Variants in TIPIN observed in about 807,000 individuals in gnomAD.
TIPIN encodes the protein TIMELESS interacting protein, also known as TIMELESS-interacting protein.
In TIPIN, 29 loss-of-function variants were observed where a neutral mutation model predicts 35.6. The observed-to-expected ratio is 0.82, with a 90% CI of 0.61 to 1.11. TIPIN has a LOEUF of 1.11. TIPIN is among the 50% of genes most tolerant of loss of function. The pLI, the probability that TIPIN is intolerant of heterozygous loss-of-function variation, is 0.00. For missense variants in TIPIN, 296 were observed against 345.4 expected (o/e 0.86, Z 1.13); for synonymous variants, 102 against 121.5 (o/e 0.84, Z 1.06).
intron 1 of TIPIN, among the ~76,000 whole-genome samples, chr15:66,376,349 T>C (rs1377279866): frequency 6.6e-6 from 1 of 152,214 alleles, no homozygotes; most frequent in Non-Finnish European, 1.5e-5. Context: ...AGTTTCTTTT[T>C]TTCTGTTTTA....
intron 6 of TIPIN, among the ~76,000 whole-genome samples, chr15:66,346,852 C>G (rs1043581686): frequency 1.3e-5 from 2 of 151,874 alleles, no homozygotes; most frequent in East Asian, 3.9e-4. Flanking sequence ...AGTGCAGTGG[C>G]GTGATCTCGG....
At chr15:66,356,801 G>T, upstream of TIPIN, 1 of 899,348 alleles carries the variant, frequency 1.1e-6, no homozygotes, top group Non-Finnish European at 1.3e-6. Context: ...CTCAGGTTCC[G>T]CCCAGCACGC....
chr15:66,352,838 C>T lies in TIPIN; in HGVS notation c.110G>A (p.Gly37Asp), dbSNP rs767540271. Residue 37 changes from glycine to aspartate, a missense_variant, in exon 2 of 8, where the codon GGT becomes GAT. Transcript: ENST00000261881. ...PPPASPERQDGEGTEPDEESG... is the reference protein window; with the variant it reads ...PPPASPERQDDEGTEPDEESG... ...ACCTTCATCAGGCTCAGTTCCTTCACCATCTTGTCTCTCTGGAGAGGCTGG... is the reference window on the plus strand; with the variant it reads ...ACCTTCATCAGGCTCAGTTCCTTCATCATCTTGTCTCTCTGGAGAGGCTGG... 1.9e-6 allele frequency: 3 copies of T among 1,613,012 alleles called. No individual in the cohort carries two copies.
At chr15:66,355,828 T>G (rs1419828404) in intron 1 of TIPIN, among the ~76,000 whole-genome samples, 1 of 152,160 alleles carries the variant, frequency 6.6e-6, no homozygotes, top group Admixed American at 6.6e-5. Context: ...ATACTAGGGT[T>G]CAGACCTTTG....
chr15:66,379,602 A>G, intron 1 of TIPIN: 1 of 1,610,606 alleles, frequency 6.2e-7, no homozygotes. Flanking sequence ...ATTCTCCGGG[A>G]TAACGACGAT....
upstream of TIPIN, among the ~76,000 whole-genome samples, chr15:66,358,639 C>T (rs867567720): frequency 6.6e-6 from 1 of 152,218 alleles, no homozygotes; most frequent in African/African-American, 2.4e-5. Context: ...TGGTCTCCAA[C>T]GCCTGGTCTC....
intron 1 of TIPIN, among the ~76,000 whole-genome samples, chr15:66,363,419 G>A (rs1313427052): frequency 6.6e-6 from 1 of 151,998 alleles, no homozygotes; most frequent in African/African-American, 2.4e-5. Context: ...CGAGGCGGGC[G>A]GATCACGAGG....
At chr15:66,358,560 C>T (rs2093217333), upstream of TIPIN, among the ~76,000 whole-genome samples, 1 of 151,976 alleles carries the variant, frequency 6.6e-6, no homozygotes, top group Non-Finnish European at 1.5e-5. Context: ...ACTACAGGCT[C>T]GCACCACCAC....
intron 6 of TIPIN, among the ~76,000 whole-genome samples, chr15:66,342,166 G>T (rs1181051335): frequency 7.7e-6 from 1 of 129,254 alleles, no homozygotes; most frequent in Non-Finnish European, 1.5e-5. Flanking sequence ...TCCAGCCTGG[G>T]CTACAGAGCA....
At chr15:66,352,092 T>C (rs750566003) in intron 3 of TIPIN, 37 bp downstream of exon 3, 1 of 1,465,928 alleles carries the variant, frequency 6.8e-7, no homozygotes, top group Non-Finnish European at 9.3e-7. Context: ...ATATTAAAAA[T>C]AAAAAGTATA....
chr15:66,366,947 C>A, intron 1 of TIPIN: 1 of 953,470 alleles, frequency 1.0e-6, no homozygotes, highest in Non-Finnish European at 1.2e-6. Context: ...TTTGGGAGGC[C>A]AAGGCAGGTG....
At chr15:66,366,784 AAAG>A (rs1171246643) in intron 1 of TIPIN, 18 of 946,264 alleles carry the variant, frequency 1.9e-5, no homozygotes, top group Non-Finnish European at 2.3e-5. Context: ...AAAAAAAAAG[AAAG>A]AAAGAAAGAA....
Position 66,364,751 on chromosome 15 carries a change from G to A in TIPIN, c.-8-11796C>T, listed in dbSNP as rs552026003. 9.2e-5 allele frequency among the ~76,000 whole-genome samples: 14 copies of A among 152,070 alleles called. No individual in the cohort carries two copies. The South Asian group carries it at 1.9e-3, about 20-fold the overall frequency. On this transcript the variant is annotated intron_variant, in intron 1 of 7. Coordinates refer to the TIPIN transcript ENST00000562124. ...GGAGGCCGAGGCAGGCAGATCACCT[G>A]AGGCCAGGAGTTCGAGACTAGCCTG...
chr15:66,358,840 TC>T (rs2140475817), upstream of TIPIN, among the ~76,000 whole-genome samples: 1 of 152,192 alleles, frequency 6.6e-6, no homozygotes, highest in East Asian at 1.9e-4. Flanking sequence ...GGTCAGGAAT[TC>T]GAGACCAGCC....
At chr15:66,345,623 A>C (rs1432840587) in intron 6 of TIPIN, among the ~76,000 whole-genome samples, 1 of 152,092 alleles carries the variant, frequency 6.6e-6, no homozygotes, top group African/African-American at 2.4e-5. Context: ...CTGAGGCAGG[A>C]GAATCACTTG....
intron 7 of TIPIN, among the ~76,000 whole-genome samples, chr15:66,338,146 C>T (rs1171629114): frequency 6.6e-6 from 1 of 151,848 alleles, no homozygotes; most frequent in Non-Finnish European, 1.5e-5. Flanking sequence ...ATCCCAGCTA[C>T]TCGGGAGGCT....
intron 4 of TIPIN, among the ~76,000 whole-genome samples, 189 bp downstream of exon 4, chr15:66,351,336 A>T (rs1382791871): frequency 6.6e-6 from 1 of 152,238 alleles, no homozygotes; most frequent in East Asian, 1.9e-4. Context: ...GCAAAAAATG[A>T]GACTGCACAA....
intron 1 of TIPIN, chr15:66,371,115 G>T: frequency 2.1e-6 from 1 of 471,438 alleles, no homozygotes; most frequent in Non-Finnish European, 2.8e-6. Context: ...GAAGGCTGAG[G>T]CATGAGAATC....
intron 4 of TIPIN, among the ~76,000 whole-genome samples, chr15:66,350,056 G>A (rs1300039540): frequency 2.6e-5 from 4 of 151,854 alleles, no homozygotes; most frequent in African/African-American, 4.8e-5. Context: ...CAGCCTCCCG[G>A]GTTTAAGCAA....
Sources: allele counts gnomAD v4.1 joint callset (sites outside exome capture counted in the v4.1 genomes callset), GRCh38; gene constraint gnomAD v4.1.1; transcripts MANE v1.5; gene names NCBI Gene and HGNC (gene_info 2026-07-23, HGNC 2026-07-21).